The following PLA2G4A variants were observed in gnomAD, a reference collection of about 807,000 sequenced individuals.
PLA2G4A encodes phospholipase A2 group IVA.
PLA2G4A carries 40 observed loss-of-function variants against 81.9 expected under a neutral mutation model. The observed-to-expected ratio is 0.49, with a 90% CI of 0.38 to 0.64. The LOEUF is 0.64. Ranked by LOEUF, PLA2G4A falls within the 30% of genes least tolerant of loss-of-function variation. The pLI is 0.00. For synonymous variants in PLA2G4A, 302 were observed against 296.9 expected (o/e 1.02, Z -0.18); for missense variants, 715 against 905.1 (o/e 0.79, Z 2.69).
intron 16 of PLA2G4A, among the ~76,000 whole-genome samples, chr1:186,978,447 G>C (rs765044848): frequency 3.9e-5 from 6 of 152,126 alleles, no homozygotes; most frequent in Non-Finnish European, 5.9e-5. Context: ...ACAAAAAATA[G>C]GGAGGATGAG....
At chr1:186,860,851 C>G (rs1652771445) in intron 2 of PLA2G4A, among the ~76,000 whole-genome samples, 1 of 152,098 alleles carries the variant, frequency 6.6e-6, no homozygotes, top group Non-Finnish European at 1.5e-5. Flanking sequence ...CTTTTTGGTT[C>G]TTTTTAAAAT....
intron 3 of PLA2G4A, among the ~76,000 whole-genome samples, chr1:186,872,140 T>C (rs1653297033): frequency 6.6e-6 from 1 of 152,146 alleles, no homozygotes; most frequent in Non-Finnish European, 1.5e-5. Flanking sequence ...ATCAGATGTT[T>C]ACATTTTAAA....
At chr1:186,892,898 A>G in intron 3 of PLA2G4A, 113 bp from the exon 4 acceptor site, 1 of 783,370 alleles carries the variant, frequency 1.3e-6, no homozygotes, top group South Asian at 1.5e-5. Context: ...TCAGACATTT[A>G]AATACATCAC....
chr1:186,911,113 C>T, intron 6 of PLA2G4A, 135 bp from the exon 7 acceptor site: 1 of 758,036 alleles, frequency 1.3e-6, no homozygotes, highest in Non-Finnish European at 2.4e-6. Context: ...ATTTTAGGTC[C>T]CTTCTTAGGA....
At chr1:186,837,190 T>C (rs1253257682) in intron 1 of PLA2G4A, among the ~76,000 whole-genome samples, 1 of 152,132 alleles carries the variant, frequency 6.6e-6, no homozygotes, top group African/African-American at 2.4e-5. Context: ...AGATCATGAA[T>C]GATCTTGATT....
chr1:186,926,552 T>C (rs1323791772), intron 7 of PLA2G4A, among the ~76,000 whole-genome samples: 1 of 152,214 alleles, frequency 6.6e-6, no homozygotes, highest in African/African-American at 2.4e-5. Flanking sequence ...ATCAAAGTCT[T>C]CACTTTCTGT....
intron 15 of PLA2G4A, among the ~76,000 whole-genome samples, chr1:186,971,352 T>A (rs904588934): frequency 6.6e-6 from 1 of 152,020 alleles, no homozygotes; most frequent in Non-Finnish European, 1.5e-5. Context: ...CCTTCTGTAG[T>A]ACATATAGGC....
intron 10 of PLA2G4A, among the ~76,000 whole-genome samples, chr1:186,940,967 G>C (rs1656131319): frequency 6.6e-6 from 1 of 152,030 alleles, no homozygotes; most frequent in South Asian, 2.1e-4. Context: ...CTCAAGCTTT[G>C]CTTCTTGGAT....
At chr1:186,904,258 G>T (rs534490882) in intron 5 of PLA2G4A, among the ~76,000 whole-genome samples, 7 of 152,294 alleles carry the variant, frequency 4.6e-5, no homozygotes, top group Admixed American at 3.9e-4. Context: ...GTTCTAATTA[G>T]TTCTAGCTCT....
chr1:186,967,151 A>G (rs1657162075), intron 15 of PLA2G4A, among the ~76,000 whole-genome samples: 1 of 152,178 alleles, frequency 6.6e-6, no homozygotes, highest in African/African-American at 2.4e-5. Flanking sequence ...CTATCATATG[A>G]TGATTAAACT....
At chr1:186,964,728 T>C (rs956587897) in intron 14 of PLA2G4A, among the ~76,000 whole-genome samples, 1 of 152,228 alleles carries the variant, frequency 6.6e-6, no homozygotes, top group Admixed American at 6.5e-5. Flanking sequence ...GATACATTTA[T>C]TTACTTATTG....
intron 3 of PLA2G4A, among the ~76,000 whole-genome samples, chr1:186,886,381 G>GA (rs1653939365): frequency 6.6e-6 from 1 of 152,072 alleles, no homozygotes; most frequent in Non-Finnish European, 1.5e-5. Flanking sequence ...GTTACACAGG[G>GA]AAAAAGACTG....
At position 186,979,352 on chromosome 1, in the gene PLA2G4A, T is replaced by G; in HGVS notation, c.1998T>G (p.Ala666=). Residue 666 remains alanine, a synonymous_variant, in exon 17 of 18, where the codon GCT becomes GCG. Transcript: ENST00000367466. ...PRETEEEKEI[A]DFDIFDDPES... The stretch of plus-strand genomic sequence containing the variant: ...AAACTGAGGAAGAGAAAGAAATCGC[T>G]GACTTTGATATTTTTGATGACCCAG... 1.2e-6 allele frequency: 2 copies of G among 1,612,098 alleles called. No homozygotes were observed. The highest frequency in any genetic ancestry group is 1.7e-6 in the Non-Finnish European group (2 of 1,178,108).
At chr1:186,918,266 A>C (rs1655219844) in intron 7 of PLA2G4A, among the ~76,000 whole-genome samples, 1 of 152,172 alleles carries the variant, frequency 6.6e-6, no homozygotes, top group Non-Finnish European at 1.5e-5. Flanking sequence ...TGTCCCCTGC[A>C]GTGCATGACT....
intron 13 of PLA2G4A, among the ~76,000 whole-genome samples, chr1:186,951,986 C>A (rs1656577946): frequency 6.6e-6 from 1 of 152,082 alleles, no homozygotes; most frequent in Non-Finnish European, 1.5e-5. Context: ...CCCAAAAGAA[C>A]CCTGTCCTGG....
intron 15 of PLA2G4A, among the ~76,000 whole-genome samples, chr1:186,971,930 A>G (rs997728754): frequency 2.6e-5 from 4 of 152,110 alleles, no homozygotes; most frequent in African/African-American, 9.6e-5. Flanking sequence ...TGAAATATGG[A>G]TACTGCCTTT....
At chr1:186,940,704 C>T (rs1219618590) in intron 10 of PLA2G4A, among the ~76,000 whole-genome samples, 1 of 152,074 alleles carries the variant, frequency 6.6e-6, no homozygotes, top group Non-Finnish European at 1.5e-5. Context: ...AAAGTCTGTA[C>T]ATGTTTAGTA....
intron 1 of PLA2G4A, among the ~76,000 whole-genome samples, chr1:186,848,325 T>A (rs77994261): frequency 0.014 from 2,193 of 152,236 alleles, 65 homozygotes; most frequent in African/African-American, 0.051. Flanking sequence ...TCTCGCTCTC[T>A]CTGCATCCTT....
At chr1:186,885,660 A>G (rs1653909990) in intron 3 of PLA2G4A, among the ~76,000 whole-genome samples, 1 of 152,180 alleles carries the variant, frequency 6.6e-6, no homozygotes, top group South Asian at 2.1e-4. Context: ...ACTAAGAGTA[A>G]TATGTTCAAG....
Sources: gnomAD v4.1 joint callset for allele counts (sites outside exome capture counted in the v4.1 genomes callset) on GRCh38, gnomAD v4.1.1 for gene constraint, MANE v1.5 for transcripts, NCBI Gene and HGNC (gene_info 2026-07-23, HGNC 2026-07-21) for gene names.